The following PRMT7 variants were observed in gnomAD, a reference collection of about 807,000 sequenced individuals.
The protein encoded by PRMT7 is protein arginine N-methyltransferase 7.
PRMT7 carries 75 observed loss-of-function variants against 85.4 expected under a neutral mutation model. The observed-to-expected ratio is 0.88, with a 90% CI of 0.73 to 1.06. The LOEUF is 1.06. PRMT7 is among the 50% of genes least tolerant of loss of function. The pLI is 0.00. For synonymous variants in PRMT7, 397 were observed against 359.5 expected (o/e 1.10, Z -1.18); for missense variants, 868 against 915.2 (o/e 0.95, Z 0.67).
Position 68,355,807 on chromosome 16 carries a change from C to T in PRMT7, c.1735C>T (p.Gln579Ter). 1.2e-6 allele frequency: 2 copies of T among 1,611,692 alleles called. No individual in the cohort carries two copies. The highest frequency in any genetic ancestry group is 1.7e-6 in the Non-Finnish European group (2 of 1,179,430). ...ATGCCGCAGCCTCTCCGAGCCCTGG[C>T]AGATCCTGACCTTTGACTTCCAGCA... The part of the protein sequence containing the change: ...YPCRSLSEPW[Q>*]ILTFDFQQPV... The change falls in exon 17 of 19, where the codon CAG becomes TAG. Residue 579 changes from glutamine (Q) to a stop codon, truncating the protein, a stop_gained. Coordinates refer to ENST00000441236, the MANE Select transcript of PRMT7 (RefSeq NM_019023.5). LOFTEE classifies it high-confidence loss of function.
At chr16:68,351,159 G>A (rs2087268213) in intron 14 of PRMT7, among the ~76,000 whole-genome samples, 1 of 152,222 alleles carries the variant, frequency 6.6e-6, no homozygotes, top group Non-Finnish European at 1.5e-5. Context: ...TTCTTGCCAT[G>A]TTCCTGATGC....
At position 68,329,133 on chromosome 16, in the gene PRMT7, A is replaced by G; in HGVS notation, c.350A>G (p.Lys117Arg). 6.2e-6 allele frequency: 10 copies of G among 1,610,612 alleles called. No individual in the cohort carries two copies. Among genetic ancestry groups the G allele is most frequent in the Non-Finnish European group, 8.5e-6 (10 of 1,176,874 alleles). ...AAAAATGGCTTTAGTGATAAGATTAAGGTTATCAACAAGCATTCCACCGAG... is the reference window on the plus strand; with the variant it reads ...AAAAATGGCTTTAGTGATAAGATTAGGGTTATCAACAAGCATTCCACCGAG... ...VEKNGFSDKIKVINKHSTEVT... is the reference protein window; with the variant it reads ...VEKNGFSDKIRVINKHSTEVT... Residue 117 changes from lysine to arginine, a missense_variant, in exon 6 of 19, where the codon AAG becomes AGG. By Grantham distance (26) the Lys-to-Arg change is conservative (BLOSUM62 2). Coordinates refer to ENST00000441236, the MANE Select transcript of PRMT7 (RefSeq NM_019023.5).
At chr16:68,325,607 A>G (rs1009505799) in intron 5 of PRMT7, among the ~76,000 whole-genome samples, 1 of 152,140 alleles carries the variant, frequency 6.6e-6, no homozygotes, top group African/African-American at 2.4e-5. Flanking sequence ...CCTGACCAAC[A>G]TGGTGAAACT....
In PRMT7 at chr16:68,345,656, ACT is replaced by A. The variant is rs1233103173; in HGVS notation, c.928-16_928-15del. 3.1e-6 allele frequency: 5 copies of A among 1,612,706 alleles called. No homozygotes were observed. Among genetic ancestry groups the A allele is most frequent in the Non-Finnish European group, 4.2e-6 (5 of 1,179,898 alleles). On this transcript the variant is annotated splice_polypyrimidine_tract_variant and intron_variant, in intron 9 of 18. Coordinates refer to ENST00000441236, the MANE Select transcript of PRMT7 (RefSeq NM_019023.5). ...TCATACTGCAGCTCGTTGACAGCTG[ACT>A]CTGTTCTCCGTTTCAGTGGCGGGAC...
At chr16:68,325,035 C>T (rs1357286044) in intron 5 of PRMT7, among the ~76,000 whole-genome samples, 1 of 152,260 alleles carries the variant, frequency 6.6e-6, no homozygotes, top group East Asian at 1.9e-4. Context: ...TCAGCCTAGG[C>T]TGCACATCAG....
Position 68,356,740 on chromosome 16 carries a change from C to T in PRMT7, c.1851C>T (p.Tyr617=), listed in dbSNP as rs376424660. ...ACGCAGCGGTGCTATGGATGGAGTA[C>T]CACCTGACCCCGGAGTGCACGCTCA... ...QSHAAVLWME[Y]HLTPECTLST... Residue 617 remains tyrosine, a synonymous_variant, in exon 18 of 19, where the codon TAC becomes TAT. Transcript: ENST00000441236. The T allele has an allele frequency of 3.2e-4, 509 of 1,611,454 alleles. No homozygotes were observed. The highest frequency in any genetic ancestry group is 4.1e-4 in the Non-Finnish European group (480 of 1,179,882).
At chr16:68,315,423 G>A (rs574921978) in intron 2 of PRMT7, 1 of 156,626 alleles carries the variant, frequency 6.4e-6, no homozygotes, top group African/African-American at 2.4e-5. Context: ...TTAGGTTTAT[G>A]TGTGACTGTA....
chr16:68,356,911 AGAT>A (rs1430138242), intron 18 of PRMT7, 114 bp downstream of exon 18: 80 of 1,369,634 alleles, frequency 5.8e-5, no homozygotes, highest in Non-Finnish European at 7.7e-5. Flanking sequence ...TCTTCGGGCC[AGAT>A]GATGACCCCT....
intron 2 of PRMT7, among the ~76,000 whole-genome samples, chr16:68,313,667 A>G (rs944262046): frequency 2.6e-5 from 4 of 152,208 alleles, no homozygotes; most frequent in Non-Finnish European, 4.4e-5. Context: ...ACAGATTCTG[A>G]CAGTTCTAGA....
chr16:68,338,404 C>T (rs764422837), intron 7 of PRMT7, among the ~76,000 whole-genome samples: 14 of 151,560 alleles, frequency 9.2e-5, no homozygotes, highest in Non-Finnish European at 1.6e-4. Context: ...GTGGTGAGGG[C>T]GATTCTTCTG....
chr16:68,322,877 A>G (rs2082660791), intron 4 of PRMT7, among the ~76,000 whole-genome samples: 1 of 151,774 alleles, frequency 6.6e-6, no homozygotes, highest in Admixed American at 6.6e-5. Flanking sequence ...CTAAAAATAC[A>G]AAAAAAAGCC....
In PRMT7 at chr16:68,348,378, A is replaced by G; in HGVS notation, c.1360A>G (p.Ile454Val). ...KANHLEDKIN[I>V]IEKRPELLTN... ...TAACCACTTGGAAGATAAAATTAAC[A>G]TCATAGAGAAACGGCCGGAATTATT... is the stretch of plus-strand genomic sequence containing the variant. The change falls in exon 14 of 19, where the codon ATC becomes GTC. Residue 454 changes from isoleucine (I) to valine (V), a missense_variant. Transcript: ENST00000441236. The G allele has an allele frequency of 6.2e-7, 1 of 1,612,116 alleles. No homozygotes were observed. The highest frequency in any genetic ancestry group is 8.5e-7 in the Non-Finnish European group (1 of 1,178,178).
At chr16:68,349,948 G>A (rs1234931601) in intron 14 of PRMT7, among the ~76,000 whole-genome samples, 1 of 152,168 alleles carries the variant, frequency 6.6e-6, no homozygotes, top group Non-Finnish European at 1.5e-5. Context: ...AAATTCCTGG[G>A]AGCCTGTTGA....
Position 68,339,950 on chromosome 16 carries a change from A to G in PRMT7, c.909A>G (p.Ser303=). The stretch of plus-strand genomic sequence containing the variant: ...CCATGGCCCCCTTCTGGGCACACTC[A>G]GACCCAGAGGAGATGCAGGTAAGAG... ...KCTMAPFWAH[S]DPEEMQWRDH... The change falls in exon 9 of 19, where the codon TCA becomes TCG. Residue 303 remains serine (S), a synonymous_variant. Transcript: ENST00000441236. 1 of 1,613,130 alleles carries G rather than the reference A, an allele frequency of 6.2e-7. No homozygotes were observed. Among genetic ancestry groups the G allele is most frequent in the Non-Finnish European group, 8.5e-7 (1 of 1,179,594 alleles).
At chr16:68,347,565 T>C in intron 12 of PRMT7, 66 bp from the exon 13 acceptor site, 1 of 1,535,980 alleles carries the variant, frequency 6.5e-7, no homozygotes. Context: ...CTTGTCGCAT[T>C]TTAATCTTTA....
intron 17 of PRMT7, among the ~76,000 whole-genome samples, chr16:68,356,405 C>T (rs1274384274): frequency 4.6e-5 from 7 of 152,252 alleles, no homozygotes; most frequent in African/African-American, 1.7e-4. Context: ...AGGGGCCTTC[C>T]GGCCTTCAGT....
chr16:68,356,830 C>G, intron 18 of PRMT7, 33 bp downstream of exon 18: 1 of 1,579,802 alleles, frequency 6.3e-7, no homozygotes, highest in Non-Finnish European at 8.6e-7. Context: ...AGTGTGCGTG[C>G]AGACCCTGAG....
intron 7 of PRMT7, among the ~76,000 whole-genome samples, chr16:68,338,310 A>G (rs1392960536): frequency 6.6e-6 from 1 of 151,988 alleles, no homozygotes; most frequent in Admixed American, 6.6e-5. Flanking sequence ...TATCGATGCT[A>G]GGGTTTGGGC....
intron 2 of PRMT7, among the ~76,000 whole-genome samples, chr16:68,314,347 C>G (rs2044394376): frequency 6.6e-6 from 1 of 152,226 alleles, no homozygotes; most frequent in African/African-American, 2.4e-5. Context: ...TCTCCTGCCT[C>G]AGCCTCCTGA....
Sources: allele counts gnomAD v4.1 joint callset (sites outside exome capture counted in the v4.1 genomes callset), GRCh38; gene constraint gnomAD v4.1.1; transcripts MANE v1.5; gene names NCBI Gene and HGNC (gene_info 2026-07-23, HGNC 2026-07-21).